The following SVIL variants were observed in gnomAD, a reference collection of about 807,000 sequenced individuals.
SVIL encodes the protein supervillin, also known as archvillin.
In SVIL, 101 loss-of-function variants were observed where a neutral mutation model predicts 240.4. The ratio of observed to expected loss-of-function variants is 0.42; its 90% CI spans 0.36 to 0.50. The LOEUF (loss-of-function observed/expected upper bound fraction) is 0.50, where lower values mean the gene tolerates loss of function less well. SVIL is among the 20% of genes least tolerant of loss of function. SVIL has a pLI of 0.01. For missense variants in SVIL, 2,512 were observed against 2,818.7 expected (o/e 0.89, Z 2.46); for synonymous variants, 999 against 1,100.0 (o/e 0.91, Z 1.82).
rs1273701354 is a variant in SVIL, at chr10:29,457,708, C to T, written c.*539G>A. 1 of 152,688 alleles carries T rather than the reference C, an allele frequency of 6.5e-6. No homozygotes were observed. Among genetic ancestry groups the T allele is most frequent in the African/African-American group, 2.4e-5 (1 of 41,544 alleles). 9.5% of individuals were successfully genotyped at this position (152,688 alleles called of 1,614,324 possible). A position where few individuals can be genotyped will look rare whatever the true frequency, so the allele number is the denominator to read the frequency against. On this transcript the variant is annotated 3_prime_UTR_variant, in exon 38 of 38. Transcript: ENST00000355867. Reference sequence around the variant, plus strand: ...TAATGCTGCAGGAAACATTTCCAAACGTGTATGAAGATACATATTGGTGGC... The same window carrying T: ...TAATGCTGCAGGAAACATTTCCAAATGTGTATGAAGATACATATTGGTGGC...
chr10:29,629,098 G>T (rs1180509072), intron 1 of SVIL, among the ~76,000 whole-genome samples: 1 of 152,152 alleles, frequency 6.6e-6, no homozygotes, highest in African/African-American at 2.4e-5. Context: ...AGGAAAGAAA[G>T]AAGTGATCGC....
At chr10:29,512,998 T>A in intron 16 of SVIL, 137 bp from the exon 17 acceptor site, 1 of 1,301,642 alleles carries the variant, frequency 7.7e-7, no homozygotes. Flanking sequence ...TGAATTTCAT[T>A]TATTCGGAAG....
chr10:29,590,157 C>A (rs1474257484), intron 1 of SVIL, among the ~76,000 whole-genome samples: 1 of 114,492 alleles, frequency 8.7e-6, no homozygotes, highest in East Asian at 2.7e-4. Context: ...CAGAGCAAGA[C>A]TCCGTCTCAA....
chr10:29,526,942 A>C lies in SVIL; in HGVS notation c.2342+19T>G, dbSNP rs771615215. On this transcript the variant is annotated intron_variant, in intron 13 of 37. Coordinates refer to ENST00000355867, the MANE Select transcript of SVIL (RefSeq NM_021738.3). ...CACCTTTGCACCGGGTGCCGCATGC[A>C]TCTGTATCTGTCCAGTACCTGGCAG... 1.9e-6 allele frequency: 3 copies of C among 1,551,302 alleles called. No individual in the cohort carries two copies. In the Admixed American group the frequency reaches 6.6e-5, roughly 34 times the overall value.
intron 1 of SVIL, among the ~76,000 whole-genome samples, chr10:29,702,099 C>T (rs1962555915): frequency 1.4e-5 from 2 of 138,640 alleles, no homozygotes; most frequent in South Asian, 2.4e-4. Flanking sequence ...CACTTGAACC[C>T]GGGAGGTGGA....
At chr10:29,615,015 C>T (rs550115218) in intron 1 of SVIL, among the ~76,000 whole-genome samples, 1 of 152,092 alleles carries the variant, frequency 6.6e-6, no homozygotes, top group African/African-American at 2.4e-5. Context: ...GAAATTGAGG[C>T]AGAAGTTAAG....
chr10:29,488,578 C>T (rs372273791), intron 23 of SVIL, 23 bp downstream of exon 23: 18 of 1,540,038 alleles, frequency 1.2e-5, no homozygotes, highest in African/African-American at 5.6e-5. Flanking sequence ...CCTGAGTCAC[C>T]GTGCCAGGCT....
At position 29,566,548 on chromosome 10, in the gene SVIL, A is replaced by C. The variant is rs115753384; in HGVS notation, c.-143+2707T>G. ...GTGAAATCGAGTTTCTTTCTTTAAA[A>C]AAAATCATGTTTCTTCCCTGAACTT... On this transcript the variant is annotated intron_variant, in intron 2 of 37. Transcript: ENST00000355867. Among the ~76,000 whole-genome samples, 785 of 152,324 alleles carry C rather than the reference A, an allele frequency of 5.2e-3. 8 individuals carry two copies. Among genetic ancestry groups the C allele is most frequent in the African/African-American group, 0.018 (746 of 41,580 alleles).
At chr10:29,648,358 G>A (rs1958732980) in intron 3 of SVIL, among the ~76,000 whole-genome samples, 1 of 152,180 alleles carries the variant, frequency 6.6e-6, no homozygotes, top group Non-Finnish European at 1.5e-5. Flanking sequence ...TGCATCCCAA[G>A]ACAAACCAGA....
intron 1 of SVIL, among the ~76,000 whole-genome samples, chr10:29,699,594 A>G (rs1962348501): frequency 6.6e-6 from 1 of 152,178 alleles, no homozygotes; most frequent in African/African-American, 2.4e-5. Context: ...GTGAGCCGCC[A>G]TGCCCAGCCC....
chr10:29,721,688 A>T (rs1963990836), intron 1 of SVIL, among the ~76,000 whole-genome samples: 1 of 152,262 alleles, frequency 6.6e-6, no homozygotes, highest in Non-Finnish European at 1.5e-5. Flanking sequence ...TCACCTTAAT[A>T]ATAGCTATGC....
At chr10:29,672,381 C>T (rs1356817275) in intron 2 of SVIL, among the ~76,000 whole-genome samples, 1 of 152,018 alleles carries the variant, frequency 6.6e-6, no homozygotes, top group Non-Finnish European at 1.5e-5. Flanking sequence ...GAAATGCCAT[C>T]CTGGATCACC....
rs1338177532 is a variant in SVIL at position 29,512,961 on chromosome 10, G to A, written c.3390-100C>T. ...AGAGAGGCGGCTTGGGCCAAGATATGACCACAGCCGCCTCGTTTTAACATT... is the reference window on the plus strand; with the variant it reads ...AGAGAGGCGGCTTGGGCCAAGATATAACCACAGCCGCCTCGTTTTAACATT... On this transcript the variant is annotated intron_variant, in intron 16 of 37. Transcript: ENST00000355867. The A allele has an allele frequency of 6.2e-6, 9 of 1,452,616 alleles. No individual in the cohort carries two copies. In the African/African-American group the frequency reaches 1.3e-4, roughly 21 times the overall value. The allele number at this position is 1,452,616 out of a possible 1,614,324, so 90.0% of individuals were successfully genotyped here.
intron 21 of SVIL, among the ~76,000 whole-genome samples, chr10:29,491,970 G>C (rs1948003924): frequency 6.6e-6 from 1 of 152,194 alleles, no homozygotes; most frequent in South Asian, 2.1e-4. Context: ...GAGCAAACTG[G>C]AATATGCAAA....
chr10:29,639,417 C>G (rs1040236860), upstream of SVIL, among the ~76,000 whole-genome samples: 8 of 151,610 alleles, frequency 5.3e-5, no homozygotes, highest in African/African-American at 1.9e-4. Flanking sequence ...GATCTGCTCA[C>G]CTCAGCCTCC....
intron 2 of SVIL, among the ~76,000 whole-genome samples, chr10:29,684,442 T>TG (rs1197816596): frequency 6.6e-6 from 1 of 151,838 alleles, no homozygotes; most frequent in Non-Finnish European, 1.5e-5. Context: ...CGGGACAACT[T>TG]GGGGGGTGGG....
chr10:29,576,004 C>A, intron 1 of SVIL: 1 of 552,316 alleles, frequency 1.8e-6, no homozygotes. Flanking sequence ...GACTGAAGTA[C>A]CCTTGCAATT....
At chr10:29,600,294 G>A (rs1440841631) in intron 1 of SVIL, among the ~76,000 whole-genome samples, 1 of 152,148 alleles carries the variant, frequency 6.6e-6, no homozygotes, top group Non-Finnish European at 1.5e-5. Context: ...ATCACAAAGG[G>A]GAAGGTTGGA....
At chr10:29,560,843 C>CT (rs34960285) in intron 3 of SVIL, among the ~76,000 whole-genome samples, 84 of 145,298 alleles carry the variant, frequency 5.8e-4, no homozygotes, top group Middle Eastern at 3.6e-3. Flanking sequence ...GGCACTGGCA[C>CT]TTTTTTTTTT....
Sources: allele counts gnomAD v4.1 joint callset (sites outside exome capture counted in the v4.1 genomes callset), GRCh38; gene constraint gnomAD v4.1.1; transcripts MANE v1.5; gene names NCBI Gene and HGNC (gene_info 2026-07-23, HGNC 2026-07-21).